SCP2: variants seen among roughly 807,000 people sequenced by gnomAD.
SCP2 encodes sterol carrier protein 2.
SCP2 carries 48 observed loss-of-function variants against 71.4 expected under a neutral mutation model. The observed-to-expected ratio is 0.67, with a 90% CI of 0.53 to 0.86. The LOEUF is 0.86. Among genes scored for constraint, SCP2 ranks in the 40% least tolerant of loss-of-function variants. SCP2 has a pLI of 0.00. For missense variants in SCP2, 560 were observed against 655.6 expected (o/e 0.85, Z 1.59); for synonymous variants, 220 against 218.1 (o/e 1.01, Z -0.08).
Position 52,980,246 on chromosome 1 carries a change from T to A in SCP2, c.826-150T>A, listed in dbSNP as rs1658362693. The stretch of plus-strand genomic sequence containing the variant: ...GCCTCAGCTTCCCAAAGTGCTTGGA[T>A]TATAGGCATGAGCCAATGCACCTGG... On this transcript the variant is annotated intron_variant, in intron 9 of 15. Transcript: ENST00000371514. The A allele has an allele frequency of 1.2e-5, 8 of 674,238 alleles. No individual in the cohort carries two copies. The South Asian group carries it at 1.6e-4, about 13-fold the overall frequency. The allele number at this position is 674,238 out of a possible 1,614,324, so 41.8% of individuals were successfully genotyped here.
rs995428906 is a variant in SCP2 at position 53,014,942 on chromosome 1, G to C, written c.1134G>C (p.Lys378Asn). The C allele has an allele frequency of 6.2e-7, 1 of 1,613,918 alleles. No individual in the cohort carries two copies. Among genetic ancestry groups the C allele is most frequent in the Non-Finnish European group, 8.5e-7 (1 of 1,179,996 alleles). The change falls in exon 12 of 16, where the codon AAG becomes AAC. Residue 378 changes from lysine to asparagine, a missense_variant. Lys to Asn is a moderately conservative substitution (Grantham distance 94). Transcript: ENST00000371514. ...GGCAGCTGAGAGGGGAAGCCGGAAA[G>C]AGGCAAGTTCCTGGTGCAAAGGTGG... Reference protein sequence around the residue: ...LCWQLRGEAGKRQVPGAKVAL... With the variant: ...LCWQLRGEAGNRQVPGAKVAL...
intron 13 of SCP2, among the ~76,000 whole-genome samples, chr1:53,037,921 C>CACACACACACAT (rs1663104089): frequency 1.8e-5 from 2 of 111,156 alleles, no homozygotes; most frequent in Non-Finnish European, 3.4e-5. Context: ...CACACACACA[C>CACACACACACAT]ACACACACAG....
intron 11 of SCP2, among the ~76,000 whole-genome samples, chr1:53,003,286 A>G (rs1660434837): frequency 6.6e-6 from 1 of 152,150 alleles, no homozygotes; most frequent in South Asian, 2.1e-4. Context: ...TGGCATGATC[A>G]TGGCTCATTG....
Position 52,976,664 on chromosome 1 carries a change from A to G in SCP2, c.588-19A>G, listed in dbSNP as rs1244905800. 2 of 1,212,970 alleles carry G rather than the reference A, an allele frequency of 1.6e-6. No homozygotes were observed. Among genetic ancestry groups the G allele is most frequent in the Non-Finnish European group, 2.5e-6 (2 of 814,906 alleles). 75.1% of individuals were successfully genotyped at this position (1,212,970 alleles called of 1,614,324 possible). A position where few individuals can be genotyped will look rare whatever the true frequency, so the allele number is the denominator to read the frequency against. On this transcript the variant is annotated intron_variant, in intron 7 of 15. Coordinates refer to ENST00000371514, the MANE Select transcript of SCP2 (RefSeq NM_002979.5). ...GTTGCTATCTCACATTCTGTAACTAATATTTATTTTGTATTTAGGTATTCC... is the reference window on the plus strand; with the variant it reads ...GTTGCTATCTCACATTCTGTAACTAGTATTTATTTTGTATTTAGGTATTCC...
At chr1:53,046,178 A>T (rs1395307023) in intron 14 of SCP2, among the ~76,000 whole-genome samples, 1 of 152,150 alleles carries the variant, frequency 6.6e-6, no homozygotes, top group Non-Finnish European at 1.5e-5. Context: ...AATACCTAGG[A>T]ATAGGATTGC....
chr1:53,034,731 A>AG (rs1662798131), intron 13 of SCP2, among the ~76,000 whole-genome samples: 3 of 152,318 alleles, frequency 2.0e-5, no homozygotes, highest in Admixed American at 6.5e-5. Flanking sequence ...TAAATTCCTC[A>AG]GGGGCAGTAA....
chr1:52,927,931 C>T (rs1652652066), intron 1 of SCP2, among the ~76,000 whole-genome samples: 1 of 152,206 alleles, frequency 6.6e-6, no homozygotes, highest in Non-Finnish European at 1.5e-5. Flanking sequence ...TCTGTCCCTC[C>T]AGTGACTGCT....
intron 10 of SCP2, among the ~76,000 whole-genome samples, chr1:52,982,898 A>G (rs1658661969): frequency 6.6e-6 from 1 of 152,212 alleles, no homozygotes; most frequent in Non-Finnish European, 1.5e-5. Flanking sequence ...TAAGAGGGAA[A>G]AAGTATTTTA....
intron 15 of SCP2, chr1:53,048,450 T>C (rs972923954): frequency 5.2e-6 from 1 of 191,154 alleles, no homozygotes; most frequent in Non-Finnish European, 1.1e-5. Context: ...CAAAATTAGC[T>C]CAGATATTAT....
intron 6 of SCP2, among the ~76,000 whole-genome samples, chr1:52,966,315 G>T (rs6663453): frequency 6.6e-6 from 1 of 151,578 alleles, no homozygotes; most frequent in Non-Finnish European, 1.5e-5. Context: ...TTCCAGGAAT[G>T]GGTATTGAAT....
chr1:53,039,145 T>G, intron 14 of SCP2, 99 bp downstream of exon 14: 2 of 1,406,152 alleles, frequency 1.4e-6, no homozygotes, highest in East Asian at 2.4e-5. Context: ...CAAAAAGGAC[T>G]GGCTTTTAAT....
intron 11 of SCP2, among the ~76,000 whole-genome samples, chr1:53,003,631 C>T (rs57333398): frequency 0.14 from 20,699 of 151,896 alleles, 2,031 homozygotes; most frequent in East Asian, 0.33. Flanking sequence ...GTGATCCTCC[C>T]GCCTCAGTCT....
At chr1:52,934,555 C>A (rs546177775) in intron 1 of SCP2, among the ~76,000 whole-genome samples, 1 of 114,666 alleles carries the variant, frequency 8.7e-6, no homozygotes, top group Non-Finnish European at 1.7e-5. Flanking sequence ...ATGAAAAATT[C>A]ATTGATAGAC....
At chr1:53,045,316 A>G (rs1417107210) in intron 14 of SCP2, among the ~76,000 whole-genome samples, 2 of 152,200 alleles carry the variant, frequency 1.3e-5, no homozygotes, top group Non-Finnish European at 2.9e-5. Flanking sequence ...ACCATAGAAC[A>G]ATAACATTTA....
At position 52,963,466 on chromosome 1, in the gene SCP2, C is replaced by T. The variant is rs1243972119; in HGVS notation, c.523+1837C>T. Among the ~76,000 whole-genome samples, 3 of 151,732 alleles carry T rather than the reference C, an allele frequency of 2.0e-5. No individual in the cohort carries two copies. The East Asian group carries it at 5.8e-4, about 29-fold the overall frequency. On this transcript the variant is annotated intron_variant, in intron 6 of 15. Transcript: ENST00000371514. ...GAGTGAATTTCCATATGTATGTTATCTTATTCAGCTATCACAAGAATCCAT... is the reference window on the plus strand; with the variant it reads ...GAGTGAATTTCCATATGTATGTTATTTTATTCAGCTATCACAAGAATCCAT...
intron 8 of SCP2, 54 bp downstream of exon 8, chr1:52,976,823 G>C (rs1658012296): frequency 1.1e-6 from 1 of 904,818 alleles, no homozygotes; most frequent in Non-Finnish European, 1.9e-6. Context: ...TGCCCTTCCT[G>C]CCACCCCCCT....
chr1:53,050,286 T>C (rs1448326347), intron 15 of SCP2: 1 of 255,148 alleles, frequency 3.9e-6, no homozygotes, highest in Non-Finnish European at 7.7e-6. Flanking sequence ...TCAGTTCATA[T>C]TTCCCACCTA....
At chr1:52,943,740 G>T in intron 2 of SCP2, 2 of 467,014 alleles carry the variant, frequency 4.3e-6, no homozygotes, top group South Asian at 3.4e-5. Context: ...TGGAAGGGAG[G>T]TTTGCGAATC....
chr1:52,957,205 G>T (rs942532639), intron 5 of SCP2, among the ~76,000 whole-genome samples: 7 of 57,130 alleles, frequency 1.2e-4, no homozygotes, highest in Admixed American at 8.6e-4. Flanking sequence ...ACTGCCCCTG[G>T]CCCCTGGCCC....
Sources: allele counts gnomAD v4.1 joint callset (sites outside exome capture counted in the v4.1 genomes callset), GRCh38; gene constraint gnomAD v4.1.1; transcripts MANE v1.5; gene names NCBI Gene and HGNC (gene_info 2026-07-23, HGNC 2026-07-21).